The following CDH13 variants were observed in gnomAD, a reference collection of about 807,000 sequenced individuals.
CDH13 encodes the protein cadherin 13.
A neutral mutation model predicts 63.8 loss-of-function variants in CDH13; 24 were observed. The observed-to-expected ratio is 0.38, with a 90% CI of 0.27 to 0.53. The LOEUF (loss-of-function observed/expected upper bound fraction) is 0.53. CDH13 is among the 20% of genes least tolerant of loss of function. The probability of loss-of-function intolerance (pLI) is 0.85; values close to 1 mark genes in which losing one functional copy is unlikely to be tolerated. For missense variants in CDH13, 1,049 were observed against 903.1 expected (o/e 1.16, Z -2.07); for synonymous variants, 503 against 355.3 (o/e 1.42, Z -4.67).
At chr16:82,829,681 A>G (rs2038436066) in intron 1 of CDH13, 1 of 152,146 alleles carries the variant, frequency 6.6e-6, no homozygotes, top group South Asian at 2.1e-4. Context: ...GGTATGTGAA[A>G]GGATTTGGCT....
At chr16:83,475,573 G>T (rs1056546224) in intron 6 of CDH13, among the ~76,000 whole-genome samples, 47 of 152,108 alleles carry the variant, frequency 3.1e-4, no homozygotes, top group Admixed American at 2.9e-3. Flanking sequence ...AGTCTATGTG[G>T]TTTTTGTTGT....
chr16:82,858,714 G>C lies in CDH13; in HGVS notation c.157+241G>C, dbSNP rs2039807319. The C allele has an allele frequency of 2.7e-5, 16 of 592,228 alleles. No individual in the cohort carries two copies. The South Asian group carries it at 3.2e-4, about 12-fold the overall frequency. 36.7% of individuals were successfully genotyped at this position (592,228 alleles called of 1,614,324 possible). Reference sequence around the variant, plus strand: ...CATCAGTGGGTATCTCCATACTGCTGTCAGAAAAGGGGGCTGTCAGCCTCC... The same window carrying C: ...CATCAGTGGGTATCTCCATACTGCTCTCAGAAAAGGGGGCTGTCAGCCTCC... On this transcript the variant is annotated intron_variant, in intron 2 of 13. Coordinates refer to ENST00000567109, the MANE Select transcript of CDH13 (RefSeq NM_001257.5).
chr16:83,224,643 G>C (rs2039791636), intron 5 of CDH13, among the ~76,000 whole-genome samples: 3 of 152,216 alleles, frequency 2.0e-5, no homozygotes, highest in Admixed American at 2.0e-4. Flanking sequence ...CCTATCACGT[G>C]AACCATATGA....
chr16:82,628,756 A>G (rs1304427742), intron 1 of CDH13, among the ~76,000 whole-genome samples: 2 of 152,172 alleles, frequency 1.3e-5, no homozygotes, highest in Non-Finnish European at 2.9e-5. Flanking sequence ...CCAAGGCTGT[A>G]TGTGTGTACA....
At chr16:82,658,786 C>T (rs891903764) in intron 1 of CDH13, among the ~76,000 whole-genome samples, 1 of 152,170 alleles carries the variant, frequency 6.6e-6, no homozygotes, top group Admixed American at 6.5e-5. Flanking sequence ...ATTCTCAGTG[C>T]CTGGTACAAA....
At chr16:83,495,573 A>G (rs74249539) in intron 7 of CDH13, among the ~76,000 whole-genome samples, 2 of 152,230 alleles carry the variant, frequency 1.3e-5, no homozygotes, top group East Asian at 3.8e-4. Context: ...TCTACAAAAT[A>G]TAGTTTTTTT....
intron 1 of CDH13, among the ~76,000 whole-genome samples, chr16:82,714,176 G>C (rs1421707894): frequency 1.3e-5 from 2 of 152,046 alleles, no homozygotes; most frequent in Non-Finnish European, 2.9e-5. Flanking sequence ...GTCCATAAAG[G>C]CAGCTTCTCT....
At chr16:82,888,565 C>G (rs540425147) in intron 2 of CDH13, among the ~76,000 whole-genome samples, 12 of 152,302 alleles carry the variant, frequency 7.9e-5, no homozygotes, top group African/African-American at 2.2e-4. Flanking sequence ...CAGCACTGCT[C>G]CAGGAACTGT....
At chr16:83,651,430 G>T (rs897795140) in intron 8 of CDH13, among the ~76,000 whole-genome samples, 2 of 151,952 alleles carry the variant, frequency 1.3e-5, no homozygotes, top group African/African-American at 4.8e-5. Flanking sequence ...AATCCTGTAA[G>T]GGTAGGTATT....
chr16:83,771,962 A>G (rs563150864), intron 11 of CDH13, among the ~76,000 whole-genome samples: 2 of 152,330 alleles, frequency 1.3e-5, no homozygotes, highest in Non-Finnish European at 2.9e-5. Flanking sequence ...ATAAGAAGTC[A>G]ATGACACAAG....
rs191323270 is a variant in CDH13, at chr16:83,282,245, T to C, written c.637-62617T>C. Among the ~76,000 whole-genome samples the C allele has an allele frequency of 2.6e-5, 4 of 152,280 alleles. No homozygotes were observed. The East Asian group carries it at 7.7e-4, about 29-fold the overall frequency. ...AAAGATCACTGATCTCAGATCATCA[T>C]AAGAGACATAATAATAATGAAAAAT... On this transcript the variant is annotated intron_variant, in intron 5 of 13. Transcript: ENST00000567109.
chr16:82,930,131 G>C (rs144851304), intron 2 of CDH13, among the ~76,000 whole-genome samples: 1 of 136,690 alleles, frequency 7.3e-6, no homozygotes, highest in East Asian at 2.1e-4. Context: ...TACAACCTCT[G>C]CCTCCCAATA....
chr16:83,635,327 T>C (rs757655930), intron 8 of CDH13, among the ~76,000 whole-genome samples: 5 of 137,116 alleles, frequency 3.6e-5, no homozygotes, highest in Admixed American at 8.1e-5. Flanking sequence ...TTGCCCATTT[T>C]CTTTCTTTTT....
intron 1 of CDH13, among the ~76,000 whole-genome samples, chr16:82,627,790 G>T (rs2150860179): frequency 6.6e-6 from 1 of 152,330 alleles, no homozygotes; most frequent in East Asian, 1.9e-4. Flanking sequence ...GGGCCCGAAA[G>T]GGCCGGAGCG....
chr16:83,084,046 C>T (rs2151568699), intron 3 of CDH13, among the ~76,000 whole-genome samples: 1 of 152,320 alleles, frequency 6.6e-6, no homozygotes. Context: ...TTTGTGGCCA[C>T]ATGAACTGGC....
intron 6 of CDH13, among the ~76,000 whole-genome samples, chr16:83,390,559 C>G (rs1321577742): frequency 3.3e-5 from 5 of 151,654 alleles, no homozygotes; most frequent in Non-Finnish European, 7.4e-5. Context: ...CACAGTGATC[C>G]TACTATCAAC....
At chr16:83,436,834 T>A (rs991584652) in intron 6 of CDH13, among the ~76,000 whole-genome samples, 1 of 152,194 alleles carries the variant, frequency 6.6e-6, no homozygotes, top group African/African-American at 2.4e-5. Context: ...TGACATTTAA[T>A]CCATAGAGAT....
intron 2 of CDH13, among the ~76,000 whole-genome samples, chr16:83,018,598 G>A (rs1385762841): frequency 6.6e-6 from 1 of 152,142 alleles, no homozygotes; most frequent in Non-Finnish European, 1.5e-5. Context: ...ATTGCTTTAG[G>A]CCCCTCCAGT....
intron 7 of CDH13, among the ~76,000 whole-genome samples, chr16:83,541,205 C>G (rs2075290319): frequency 1.3e-5 from 2 of 152,148 alleles, no homozygotes; most frequent in South Asian, 4.1e-4. Flanking sequence ...ACCCTGCTGC[C>G]TGTTGAGTAT....
Sources: allele counts gnomAD v4.1 joint callset (sites outside exome capture counted in the v4.1 genomes callset), GRCh38; gene constraint gnomAD v4.1.1; transcripts MANE v1.5; gene names NCBI Gene and HGNC (gene_info 2026-07-23, HGNC 2026-07-21).